Variants in DNAAF9 observed in about 807,000 individuals in gnomAD.
The protein encoded by DNAAF9 is shulin.
In DNAAF9, 90 loss-of-function variants were observed where a neutral mutation model predicts 167.0. The observed-to-expected ratio is 0.54, with a 90% CI of 0.45 to 0.64. The LOEUF (loss-of-function observed/expected upper bound fraction) is 0.64. Ranked by LOEUF, DNAAF9 falls within the 30% of genes least tolerant of loss-of-function variation. The probability of loss-of-function intolerance (pLI) is 0.00; values close to 1 mark genes in which losing one functional copy is unlikely to be tolerated. For synonymous variants in DNAAF9, 491 were observed against 508.8 expected (o/e 0.96, Z 0.47); for missense variants, 1,315 against 1,442.2 (o/e 0.91, Z 1.43).
At chr20:3,301,432 C>T (rs1235990315) in intron 21 of DNAAF9, among the ~76,000 whole-genome samples, 1 of 152,204 alleles carries the variant, frequency 6.6e-6, no homozygotes, top group East Asian at 1.9e-4. Context: ...AGGTGATCCG[C>T]CCTTCTTGGC....
intron 7 of DNAAF9, among the ~76,000 whole-genome samples, chr20:3,356,388 T>C (rs1209050049): frequency 6.6e-6 from 1 of 152,102 alleles, no homozygotes; most frequent in African/African-American, 2.4e-5. Flanking sequence ...TATTTGAAGG[T>C]TTTAGGAGAA....
intron 16 of DNAAF9, among the ~76,000 whole-genome samples, chr20:3,321,044 C>G (rs1005046634): frequency 1.3e-5 from 2 of 152,236 alleles, no homozygotes; most frequent in Non-Finnish European, 2.9e-5. Context: ...CCTAGAAACT[C>G]TGGCTCCCCT....
chr20:3,332,120 C>T (rs574092151), intron 11 of DNAAF9, among the ~76,000 whole-genome samples, 160 bp downstream of exon 11: 1 of 152,330 alleles, frequency 6.6e-6, no homozygotes, highest in East Asian at 1.9e-4. Context: ...ACGTGTTAGA[C>T]ATATCAACTA....
chr20:3,318,982 C>T (rs2069559174), intron 16 of DNAAF9, among the ~76,000 whole-genome samples: 1 of 147,996 alleles, frequency 6.8e-6, no homozygotes, highest in African/African-American at 2.5e-5. Flanking sequence ...ACTTGGGAGG[C>T]TGAGGCAGGA....
At chr20:3,390,107 T>C (rs2083806135) in intron 1 of DNAAF9, among the ~76,000 whole-genome samples, 1 of 152,200 alleles carries the variant, frequency 6.6e-6, no homozygotes, top group Non-Finnish European at 1.5e-5. Context: ...GACTATGTAT[T>C]TGATACCATT....
At chr20:3,369,113 G>C (rs1482456316) in intron 6 of DNAAF9, among the ~76,000 whole-genome samples, 2 of 145,138 alleles carry the variant, frequency 1.4e-5, no homozygotes, top group South Asian at 2.3e-4. Flanking sequence ...TGGGCAAGGA[G>C]AGTAAAACTC....
At chr20:3,385,003 A>AT (rs1436576480) in intron 1 of DNAAF9, among the ~76,000 whole-genome samples, 1 of 152,030 alleles carries the variant, frequency 6.6e-6, no homozygotes, top group African/African-American at 2.4e-5. Context: ...GTGTGTCTCT[A>AT]TTATGCATCA....
Position 3,256,059 on chromosome 20 carries a change from A to G in DNAAF9, c.3208T>C (p.Cys1070Arg). Residue 1070 changes from cysteine to arginine, a missense_variant, in exon 34 of 37, where the codon TGC becomes CGC. Around this residue, in one of 2 missense-constraint regions of DNAAF9, gnomAD observed 334 missense variants for 429.7 expected, o/e 0.78. Coordinates refer to ENST00000252032, the MANE Select transcript of DNAAF9 (RefSeq NM_001009984.3). ...QQECYLVFIG[C>R]SLKEDSIKDW... ...TTGATGCTGTCTTCCTTCAGGGAGCAGCCGATGAACACAAGGTAGCACTCC... is the reference window on the plus strand; with the variant it reads ...TTGATGCTGTCTTCCTTCAGGGAGCGGCCGATGAACACAAGGTAGCACTCC... The G allele has an allele frequency of 1.2e-6, 2 of 1,614,072 alleles. No individual in the cohort carries two copies. Among genetic ancestry groups the G allele is most frequent in the Non-Finnish European group, 1.7e-6 (2 of 1,180,030 alleles).
At chr20:3,311,042 T>G (rs1291518301) in intron 20 of DNAAF9, among the ~76,000 whole-genome samples, 1 of 152,206 alleles carries the variant, frequency 6.6e-6, no homozygotes, top group African/African-American at 2.4e-5. Context: ...TTTTTACTCT[T>G]CATTCCAACC....
At chr20:3,393,006 C>T (rs1017628607) in intron 1 of DNAAF9, among the ~76,000 whole-genome samples, 3 of 152,020 alleles carry the variant, frequency 2.0e-5, no homozygotes, top group Non-Finnish European at 2.9e-5. Context: ...TTTACATAAG[C>T]AAAACAATAA....
intron 10 of DNAAF9, among the ~76,000 whole-genome samples, chr20:3,339,919 G>A (rs145315890): frequency 2.5e-4 from 38 of 152,296 alleles, no homozygotes; most frequent in African/African-American, 8.9e-4. Flanking sequence ...AAAAAAACTA[G>A]TACCTACTAA....
In DNAAF9 at chr20:3,332,217, C is replaced by T. The variant is rs185260089; in HGVS notation, c.1063+63G>A. ...AAAGTAGTGAATTGTATGTCAACTT[C>T]TAGTTCATGGGACAGACTATTCATT... On this transcript the variant is annotated intron_variant, in intron 11 of 36. Coordinates refer to ENST00000252032, the MANE Select transcript of DNAAF9 (RefSeq NM_001009984.3). 1.3e-5 allele frequency: 11 copies of T among 879,194 alleles called. No homozygotes were observed. The South Asian group carries it at 1.6e-4, about 13-fold the overall frequency. 54.5% of individuals were successfully genotyped at this position (879,194 alleles called of 1,614,324 possible). A position where few individuals can be genotyped will look rare whatever the true frequency, so the allele number is the denominator to read the frequency against.
At chr20:3,293,449 C>G (rs1364188243) in intron 25 of DNAAF9, among the ~76,000 whole-genome samples, 3 of 150,830 alleles carry the variant, frequency 2.0e-5, no homozygotes, top group Non-Finnish European at 4.4e-5. Flanking sequence ...CTTTGGGAGG[C>G]CGGGGTGGGC....
chr20:3,287,822 G>A lies in DNAAF9; in HGVS notation c.2328-32C>T, dbSNP rs1009458755. 5 of 1,606,508 alleles carry A rather than the reference G, an allele frequency of 3.1e-6. No homozygotes were observed. In the African/African-American group the frequency reaches 6.7e-5, roughly 21 times the overall value. On this transcript the variant is annotated intron_variant, in intron 26 of 36. Transcript: ENST00000252032. ...AGGTAAAAGGTAACCTCTGCATGGG[G>A]GCCACCTGATGGCCTAGCTCCATAG...
intron 1 of DNAAF9, among the ~76,000 whole-genome samples, chr20:3,403,433 A>G (rs934709946): frequency 8.6e-5 from 13 of 151,266 alleles, no homozygotes; most frequent in African/African-American, 2.9e-4. Flanking sequence ...GAGAACTTCC[A>G]CTTTCTCCCA....
intron 36 of DNAAF9, among the ~76,000 whole-genome samples, chr20:3,253,115 G>A (rs942988240): frequency 6.6e-6 from 1 of 152,178 alleles, no homozygotes; most frequent in Non-Finnish European, 1.5e-5. Context: ...CTTGAGCCCA[G>A]GAGTTTGAGA....
At chr20:3,406,200 C>CAAA (rs1240478369) in intron 1 of DNAAF9, among the ~76,000 whole-genome samples, 3 of 152,184 alleles carry the variant, frequency 2.0e-5, no homozygotes, top group African/African-American at 7.2e-5. Flanking sequence ...TTCTAAGAAT[C>CAAA]AGTTTCTTGT....
intron 1 of DNAAF9, among the ~76,000 whole-genome samples, chr20:3,398,782 A>G (rs1482751302): frequency 1.3e-5 from 2 of 152,158 alleles, no homozygotes; most frequent in Non-Finnish European, 2.9e-5. Flanking sequence ...GGTTTAAGAA[A>G]CCTGGCCCTG....
intron 8 of DNAAF9, among the ~76,000 whole-genome samples, chr20:3,347,839 T>C (rs997873859): frequency 6.6e-6 from 1 of 152,094 alleles, no homozygotes; most frequent in African/African-American, 2.4e-5. Flanking sequence ...GGAGAATTGC[T>C]TGAACCCTGG....
Sources: allele counts gnomAD v4.1 joint callset (sites outside exome capture counted in the v4.1 genomes callset), GRCh38; gene constraint gnomAD v4.1.1; regional missense constraint gnomAD v4.1.1; transcripts MANE v1.5; gene names NCBI Gene and HGNC (gene_info 2026-07-23, HGNC 2026-07-21).